Variants in FAM149B1 observed in about 807,000 individuals in gnomAD.
FAM149B1 encodes primary cilium assembly protein FAM149B1.
FAM149B1 carries 56 observed loss-of-function variants against 75.3 expected under a neutral mutation model. The observed-to-expected ratio is 0.74, with a 90% confidence interval of 0.60 to 0.93. The LOEUF is 0.93. Ranked by LOEUF, FAM149B1 falls within the 40% of genes least tolerant of loss-of-function variation. The pLI, the probability that FAM149B1 is intolerant of heterozygous loss-of-function variation, is 0.00. For synonymous variants in FAM149B1, 259 were observed against 256.1 expected, an observed-to-expected ratio of 1.01 and a Z score of -0.11; for missense variants, 639 against 708.4, an observed-to-expected ratio of 0.90 and a Z score of 1.11.
At position 73,233,605 on chromosome 10, in the gene FAM149B1, A is replaced by C. The variant is rs140104189; in HGVS notation, c.1352+442A>C. ...GCAATCTGCCTGCCTCAGTCTCCTAAAGTGCTGAGATTACAGGTGTGAACC... is the reference window on the plus strand; with the variant it reads ...GCAATCTGCCTGCCTCAGTCTCCTACAGTGCTGAGATTACAGGTGTGAACC... On this transcript the variant is annotated intron_variant, in intron 10 of 13. Coordinates refer to ENST00000242505, the MANE Select transcript of FAM149B1 (RefSeq NM_173348.2). 1.9e-3 allele frequency among the ~76,000 whole-genome samples: 293 copies of C among 152,282 alleles called. 2 individuals carry two copies. The highest frequency in any genetic ancestry group is 6.8e-3 in the African/African-American group (283 of 41,550).
chr10:73,190,183 T>G (rs992150367), intron 3 of FAM149B1, among the ~76,000 whole-genome samples: 1 of 151,158 alleles, frequency 6.6e-6, no homozygotes, highest in Non-Finnish European at 1.5e-5. Flanking sequence ...CTGCAATATA[T>G]TTCTAACAGA....
chr10:73,173,293 T>C (rs1054447001), intron 1 of FAM149B1, among the ~76,000 whole-genome samples: 1 of 152,220 alleles, frequency 6.6e-6, no homozygotes, highest in Non-Finnish European at 1.5e-5. Flanking sequence ...ATGACGTTGG[T>C]ACAATACTGT....
At chr10:73,221,444 G>C (rs761481687) in intron 7 of FAM149B1, among the ~76,000 whole-genome samples, 10 of 152,104 alleles carry the variant, frequency 6.6e-5, no homozygotes, top group Non-Finnish European at 1.3e-4. Flanking sequence ...TGAATAGTTT[G>C]CCTTCTAGTA....
In FAM149B1 at chr10:73,216,451, G is replaced by A. The variant is rs542924124; in HGVS notation, c.898+6013G>A. ...CTGTCATATTGATGATTGTTTTTGA[G>A]TTGTTTTATAAATTATGTTTCTTTT... is the stretch of plus-strand genomic sequence containing the variant. On this transcript the variant is annotated intron_variant, in intron 7 of 13. Transcript: ENST00000242505. 3.3e-5 allele frequency among the ~76,000 whole-genome samples: 5 copies of A among 152,010 alleles called. No individual in the cohort carries two copies. In the South Asian group the frequency reaches 1.0e-3, roughly 32 times the overall value.
At chr10:73,226,273 G>A (rs1057221505) in intron 7 of FAM149B1, among the ~76,000 whole-genome samples, 11 of 152,070 alleles carry the variant, frequency 7.2e-5, no homozygotes, top group Admixed American at 4.6e-4. Context: ...TTGGAAGGCC[G>A]AGGCGGGTGG....
rs773753045 is a variant in FAM149B1, at chr10:73,241,047, C to T, written c.*28C>T. 4 of 1,276,842 alleles carry T rather than the reference C, an allele frequency of 3.1e-6. No individual in the cohort carries two copies. The highest frequency in any genetic ancestry group is 4.4e-6 in the Non-Finnish European group (4 of 901,280). The allele number at this position is 1,276,842 out of a possible 1,614,324, so 79.1% of individuals were successfully genotyped here. On this transcript the variant is annotated 3_prime_UTR_variant, in exon 14 of 14. Transcript: ENST00000242505. ...CAAATGAGAAGAATCTATCAGGCTG[C>T]AGGAAACACGAGATTTCATGAAGCA...
intron 7 of FAM149B1, among the ~76,000 whole-genome samples, chr10:73,220,186 A>T (rs925674226): frequency 6.6e-6 from 1 of 152,138 alleles, no homozygotes; most frequent in African/African-American, 2.4e-5. Flanking sequence ...AATAAAAACC[A>T]CAACGAGATA....
At chr10:73,224,760 C>T (rs1465869021) in intron 7 of FAM149B1, among the ~76,000 whole-genome samples, 1 of 152,142 alleles carries the variant, frequency 6.6e-6, no homozygotes, top group Non-Finnish European at 1.5e-5. Flanking sequence ...GTGTGAGCCA[C>T]CACACCCAGC....
chr10:73,241,071 C>T lies in FAM149B1; in HGVS notation c.*52C>T. 1 of 996,996 alleles carries T rather than the reference C, an allele frequency of 1.0e-6. No homozygotes were observed. The highest frequency in any genetic ancestry group is 1.6e-6 in the Non-Finnish European group (1 of 644,966). 61.8% of individuals were successfully genotyped at this position (996,996 alleles called of 1,614,324 possible). A position where few individuals can be genotyped will look rare whatever the true frequency, so the allele number is the denominator to read the frequency against. ...GCAGGAAACACGAGATTTCATGAAG[C>T]AGTATTCAGTCATCAAGTGATGCAG... On this transcript the variant is annotated 3_prime_UTR_variant, in exon 14 of 14. Coordinates refer to ENST00000242505, the MANE Select transcript of FAM149B1 (RefSeq NM_173348.2).
chr10:73,198,885 A>G (rs536995869), intron 5 of FAM149B1, among the ~76,000 whole-genome samples: 1 of 152,340 alleles, frequency 6.6e-6, no homozygotes, highest in South Asian at 2.1e-4. Flanking sequence ...GCAAATGGCC[A>G]ACAAGTGCCT....
Position 73,228,074 on chromosome 10 carries a change from G to A in FAM149B1, c.913G>A (p.Val305Ile). The A allele has an allele frequency of 6.4e-7, 1 of 1,551,666 alleles. No individual in the cohort carries two copies. Among genetic ancestry groups the A allele is most frequent in the Non-Finnish European group, 8.7e-7 (1 of 1,146,860 alleles). Residue 305 changes from valine (V) to isoleucine (I), a missense_variant, in exon 8 of 14, where the codon GTT becomes ATT. Val to Ile is a conservative substitution (Grantham distance 29, BLOSUM62 3). Transcript: ENST00000242505. Reference protein sequence around the residue: ...EGFASDDESNVAVTRPDSESS... With the variant: ...EGFASDDESNIAVTRPDSESS... ...CCTTTGCCCAGATGATGAGAGTAAT[G>A]TTGCAGTTACCAGACCCGATTCAGA...
Position 73,243,801 on chromosome 10 carries a change from A to G in FAM149B1, c.*2782A>G. The G allele has an allele frequency of 6.6e-7, 1 of 1,519,114 alleles. No individual in the cohort carries two copies. Among genetic ancestry groups the G allele is most frequent in the Non-Finnish European group, 9.1e-7 (1 of 1,100,218 alleles). The allele number at this position is 1,519,114 out of a possible 1,614,324, so 94.1% of individuals were successfully genotyped here. On this transcript the variant is annotated 3_prime_UTR_variant, in exon 14 of 14. Transcript: ENST00000242505. Reference sequence around the variant, plus strand: ...TTCCAAAGAAAATATTAGCAGTAGGAATCAGATCATTAAAGATGTGGCAAC... The same window carrying G: ...TTCCAAAGAAAATATTAGCAGTAGGGATCAGATCATTAAAGATGTGGCAAC...
intron 13 of FAM149B1, among the ~76,000 whole-genome samples, chr10:73,239,855 C>G (rs2043901955): frequency 6.6e-6 from 1 of 152,200 alleles, no homozygotes; most frequent in African/African-American, 2.4e-5. Context: ...GAGTCTGATT[C>G]TATCGCATTA....
intron 7 of FAM149B1, among the ~76,000 whole-genome samples, chr10:73,211,879 C>A (rs1165707957): frequency 6.6e-6 from 1 of 151,934 alleles, no homozygotes; most frequent in Non-Finnish European, 1.5e-5. Flanking sequence ...TCAGGTGGTA[C>A]ACTAAAATAT....
At position 73,240,967 on chromosome 10, in the gene FAM149B1, C is replaced by T. The variant is rs1258929044; in HGVS notation, c.1697C>T (p.Thr566Ile). The T allele has an allele frequency of 6.5e-7, 1 of 1,543,626 alleles. No homozygotes were observed. The highest frequency in any genetic ancestry group is 1.4e-5 in the African/African-American group (1 of 70,204). The change falls in exon 14 of 14, where the codon ACA becomes ATA. Residue 566 changes from threonine (T) to isoleucine (I), a missense_variant. Thr to Ile is a moderately conservative substitution (Grantham distance 89). Transcript: ENST00000242505. ...ACAGGTCCTCAGTTACATGGGTCTA[C>T]AAAATCTCAAAGCGGAGGCAGACCA... Reference protein sequence around the residue: ...GSAGPQLHGSTKSQSGGRPVS... With the variant: ...GSAGPQLHGSIKSQSGGRPVS...
intron 2 of FAM149B1, among the ~76,000 whole-genome samples, chr10:73,177,466 TG>T (rs1844019195): frequency 6.6e-6 from 1 of 151,912 alleles, no homozygotes; most frequent in Non-Finnish European, 1.5e-5. Flanking sequence ...CCCAGCTACT[TG>T]GGAGACTAAG....
At position 73,177,881 on chromosome 10, in the gene FAM149B1, C is replaced by G. The variant is rs1844041665; in HGVS notation, c.188C>G (p.Ser63Ter). 6.4e-7 allele frequency: 1 copy of G among 1,551,674 alleles called. No individual in the cohort carries two copies. Among genetic ancestry groups the G allele is most frequent in the South Asian group, 1.2e-5 (1 of 84,062 alleles). The change falls in exon 3 of 14, where the codon TCA (serine) becomes TGA (stop). Residue 63 changes from serine to a stop codon, truncating the protein, a stop_gained. Coordinates refer to ENST00000242505, the MANE Select transcript of FAM149B1 (RefSeq NM_173348.2). LOFTEE classifies it high-confidence loss of function. ...SDITRESSFTSADTGNSLSAF... is the reference protein window; with the variant it reads ...SDITRESSFT ...ATCACAAGAGAATCATCTTTTACAT[C>G]AGCCGACACTGGGAATTCACTGTCT... is the stretch of plus-strand genomic sequence containing the variant.
Position 73,233,026 on chromosome 10 carries a change from T to C in FAM149B1, c.1215T>C (p.Ser405=), listed in dbSNP as rs1269212939. The C allele has an allele frequency of 3.9e-6, 6 of 1,551,670 alleles. No homozygotes were observed. The African/African-American group carries it at 6.8e-5, about 18-fold the overall frequency. Reference sequence around the variant, plus strand: ...GGCCAAATCGAGCTGTGGAGTTTAGTACATCATCTCTGTCATACACAGTGC... The same window carrying C: ...GGCCAAATCGAGCTGTGGAGTTTAGCACATCATCTCTGTCATACACAGTGC... ...RNWPNRAVEF[S]TSSLSYTVQS... The change falls in exon 10 of 14, where the codon AGT becomes AGC. Residue 405 remains serine, a synonymous_variant. Coordinates refer to ENST00000242505, the MANE Select transcript of FAM149B1 (RefSeq NM_173348.2).
chr10:73,240,495 G>A (rs184586390), intron 13 of FAM149B1, among the ~76,000 whole-genome samples: 26 of 152,224 alleles, frequency 1.7e-4, no homozygotes, highest in African/African-American at 5.5e-4. Context: ...GGCGGATCAC[G>A]AGGTCAGCAT....
Sources: gnomAD v4.1 joint callset for allele counts (sites outside exome capture counted in the v4.1 genomes callset) on GRCh38, gnomAD v4.1.1 for gene constraint, MANE v1.5 for transcripts, NCBI Gene and HGNC (gene_info 2026-07-23, HGNC 2026-07-21) for gene names.